LRP1B: variants seen among roughly 807,000 people sequenced by gnomAD.
The protein encoded by LRP1B is LDL receptor related protein 1B.
Under a neutral mutation model 556.6 loss-of-function variants are expected in LRP1B, and 217 were observed. The observed-to-expected ratio is 0.39, with a 90% CI of 0.35 to 0.44. The LOEUF is 0.44. LRP1B is among the 20% of genes least tolerant of loss of function. The pLI is 1.00. For synonymous variants in LRP1B, 2,047 were observed against 1,865.8 expected, an observed-to-expected ratio of 1.10 and a Z score of -2.50; for missense variants, 5,053 against 5,620.8, an observed-to-expected ratio of 0.90 and a Z score of 3.23.
intron 1 of LRP1B, among the ~76,000 whole-genome samples, chr2:141,902,668 G>C (rs1483963466): frequency 2.0e-5 from 3 of 151,982 alleles, no homozygotes; most frequent in Non-Finnish European, 4.4e-5. Flanking sequence ...GAATGATTCA[G>C]AGCCAATATG....
At chr2:141,690,422 T>TATATAC (rs1691480252) in intron 2 of LRP1B, among the ~76,000 whole-genome samples, 1 of 132,780 alleles carries the variant, frequency 7.5e-6, no homozygotes, top group Admixed American at 7.5e-5. Context: ...TATATATATA[T>TATATAC]ATATATATAT....
chr2:141,408,379 C>T (rs11690245), intron 3 of LRP1B, among the ~76,000 whole-genome samples: 14,447 of 151,912 alleles, frequency 0.095, 1,106 homozygotes, highest in African/African-American at 0.22. Context: ...CTCCTGACCT[C>T]GTGATCTGAC....
At position 141,348,753 on chromosome 2, in the gene LRP1B, G is replaced by A. The variant is rs142034525; in HGVS notation, c.344-94112C>T. ...GCATGTTCAAATAACCTGTTGATAT[G>A]GTTTGGTTGTGTCCCCAGCCAAATG... On this transcript the variant is annotated intron_variant, in intron 3 of 90. Coordinates refer to ENST00000389484, the MANE Select transcript of LRP1B (RefSeq NM_018557.3). Among the ~76,000 whole-genome samples the A allele has an allele frequency of 1.4e-3, 207 of 152,130 alleles. 1 individual carries two copies. Among genetic ancestry groups the A allele is most frequent in the Non-Finnish European group, 2.4e-3 (165 of 67,990 alleles).
At chr2:141,508,082 TC>T (rs373915742) in intron 2 of LRP1B, among the ~76,000 whole-genome samples, 2 of 41,180 alleles carry the variant, frequency 4.9e-5, no homozygotes, top group African/African-American at 1.2e-4. Flanking sequence ...GGAGACTCCA[TC>T]CCCCCCCCAA....
At chr2:141,181,474 G>A (rs1680988742) in intron 7 of LRP1B, among the ~76,000 whole-genome samples, 1 of 151,196 alleles carries the variant, frequency 6.6e-6, no homozygotes, top group Admixed American at 6.6e-5. Flanking sequence ...GAAAGACATT[G>A]AATACTAGAA....
chr2:141,145,922 C>CTTTT (rs70991144), intron 7 of LRP1B, among the ~76,000 whole-genome samples: 99 of 67,192 alleles, frequency 1.5e-3, no homozygotes, highest in African/African-American at 2.2e-3. Flanking sequence ...TTCTTTCTTT[C>CTTTT]TTTTTTTTTT....
chr2:140,794,152 CATCTT>C (rs1401346189), intron 32 of LRP1B, among the ~76,000 whole-genome samples: 17 of 151,998 alleles, frequency 1.1e-4, no homozygotes, highest in African/African-American at 2.4e-4. Context: ...GATAAATAGT[CATCTT>C]AACGATTTAA....
intron 52 of LRP1B, among the ~76,000 whole-genome samples, chr2:140,508,534 T>A (rs1454987614): frequency 1.3e-5 from 2 of 152,146 alleles, no homozygotes; most frequent in Non-Finnish European, 2.9e-5. Flanking sequence ...TTAACAAAGA[T>A]TTTTTTAAAG....
At chr2:140,277,591 C>A (rs1363965398) in intron 84 of LRP1B, among the ~76,000 whole-genome samples, 2 of 151,450 alleles carry the variant, frequency 1.3e-5, no homozygotes, top group African/African-American at 4.8e-5. Flanking sequence ...GCCTGGGCAA[C>A]AAGAGTGAAA....
intron 43 of LRP1B, among the ~76,000 whole-genome samples, chr2:140,545,031 T>C (rs1003883900): frequency 6.6e-6 from 1 of 152,188 alleles, no homozygotes; most frequent in Non-Finnish European, 1.5e-5. Flanking sequence ...TTGATTTGCA[T>C]TTCTCTAATG....
chr2:142,116,936 A>AT (rs2105005570), intron 1 of LRP1B, among the ~76,000 whole-genome samples: 1 of 152,204 alleles, frequency 6.6e-6, no homozygotes, highest in African/African-American at 2.4e-5. Flanking sequence ...CAGTATGAGA[A>AT]TTTGTCTACT....
intron 66 of LRP1B, among the ~76,000 whole-genome samples, chr2:140,432,256 C>T (rs532264965): frequency 9.3e-4 from 141 of 152,238 alleles, no homozygotes; most frequent in African/African-American, 3.3e-3. Context: ...TTTTCCTTTA[C>T]CTACCCAAAT....
chr2:140,580,369 C>A (rs1373785040), intron 43 of LRP1B, among the ~76,000 whole-genome samples: 2 of 152,094 alleles, frequency 1.3e-5, no homozygotes, highest in African/African-American at 2.4e-5. Context: ...AACAGATGAC[C>A]ACACAAATCA....
chr2:141,293,358 A>G (rs1207061563), intron 3 of LRP1B, among the ~76,000 whole-genome samples: 2 of 152,084 alleles, frequency 1.3e-5, no homozygotes, highest in Non-Finnish European at 2.9e-5. Flanking sequence ...ACCACTCAAT[A>G]ATTATGTGGT....
intron 3 of LRP1B, among the ~76,000 whole-genome samples, chr2:141,456,415 T>G (rs72848070): frequency 0.29 from 43,453 of 152,128 alleles, 6,813 homozygotes; most frequent in Non-Finnish European, 0.35. Flanking sequence ...TCATACTATT[T>G]CAAATATAAC....
intron 60 of LRP1B, among the ~76,000 whole-genome samples, chr2:140,462,770 A>G (rs554493168): frequency 6.6e-6 from 1 of 152,154 alleles, no homozygotes; most frequent in South Asian, 2.1e-4. Context: ...TTCATCTAAC[A>G]TATATCTTCC....
Position 141,368,872 on chromosome 2 carries a change from TAAAGA to T in LRP1B, c.343+111519_343+111523del, listed in dbSNP as rs201808020. Among the ~76,000 whole-genome samples, 1,232 of 151,740 alleles carry T rather than the reference TAAAGA, an allele frequency of 8.1e-3. 12 individuals are homozygous for T. Among genetic ancestry groups the T allele is most frequent in the African/African-American group, 0.026 (1,062 of 41,022 alleles). ...GCATAGTATTAATAATATTGCTACT[TAAAGA>T]AAAGTTTTTTTTCTCTAAAGCTTAC... On this transcript the variant is annotated intron_variant, in intron 3 of 90. Coordinates refer to ENST00000389484, the MANE Select transcript of LRP1B (RefSeq NM_018557.3).
At chr2:141,585,332 C>G (rs1028292676) in intron 2 of LRP1B, among the ~76,000 whole-genome samples, 2 of 151,704 alleles carry the variant, frequency 1.3e-5, no homozygotes, top group Non-Finnish European at 2.9e-5. Flanking sequence ...CATGAAGGAT[C>G]CTTGTAAAAG....
intron 7 of LRP1B, among the ~76,000 whole-genome samples, chr2:141,152,962 C>G (rs1701961314): frequency 6.6e-6 from 1 of 150,624 alleles, no homozygotes; most frequent in Non-Finnish European, 1.5e-5. Flanking sequence ...TTAGTTTACT[C>G]TTAGACAGTA....
Sources: allele counts gnomAD v4.1 joint callset (sites outside exome capture counted in the v4.1 genomes callset), GRCh38; gene constraint gnomAD v4.1.1; transcripts MANE v1.5; gene names NCBI Gene and HGNC (gene_info 2026-07-23, HGNC 2026-07-21).